PDZD2: variants seen among roughly 807,000 people sequenced by gnomAD.
PDZD2 encodes the protein PDZ domain containing 2.
A neutral mutation model predicts 220.7 loss-of-function variants in PDZD2; 90 were observed. The observed-to-expected ratio is 0.41, with a 90% CI of 0.34 to 0.49. PDZD2 has a LOEUF of 0.49. Ranked by LOEUF, PDZD2 falls within the 20% of genes least tolerant of loss-of-function variation. The pLI, the probability that PDZD2 is intolerant of heterozygous loss-of-function variation, is 0.28. For synonymous variants in PDZD2, 1,375 were observed against 1,450.5 expected (o/e 0.95, Z 1.18); for missense variants, 3,174 against 3,608.5 (o/e 0.88, Z 3.08).
chr5:31,913,660 C>T (rs754880387), intron 2 of PDZD2, among the ~76,000 whole-genome samples: 7 of 152,008 alleles, frequency 4.6e-5, no homozygotes, highest in East Asian at 1.9e-4. Context: ...GTGTGGTAAT[C>T]GCATGGATAG....
chr5:31,774,589 G>A (rs10037497), intron 1 of PDZD2, among the ~76,000 whole-genome samples: 8,043 of 151,690 alleles, frequency 0.053, 664 homozygotes, highest in African/African-American at 0.18. Flanking sequence ...GGTGGTGCAC[G>A]CCTGTAATCC....
At chr5:31,882,122 G>A (rs559501689) in intron 2 of PDZD2, among the ~76,000 whole-genome samples, 1 of 152,252 alleles carries the variant, frequency 6.6e-6, no homozygotes, top group East Asian at 1.9e-4. Context: ...CATCATAACT[G>A]ATAAACTCTA....
At chr5:31,659,017 G>A (rs1289452120) in intron 1 of PDZD2, among the ~76,000 whole-genome samples, 1 of 152,036 alleles carries the variant, frequency 6.6e-6, no homozygotes, top group Non-Finnish European at 1.5e-5. Context: ...GTGTTCACCC[G>A]TGGTCCTCTT....
chr5:31,658,134 T>C (rs1722540443), intron 1 of PDZD2, among the ~76,000 whole-genome samples: 1 of 152,200 alleles, frequency 6.6e-6, no homozygotes, highest in African/African-American at 2.4e-5. Context: ...TAATGGTCTC[T>C]AAGCTCATCA....
chr5:31,643,161 G>A (rs897482156), intron 1 of PDZD2, among the ~76,000 whole-genome samples: 3 of 152,160 alleles, frequency 2.0e-5, no homozygotes, highest in Non-Finnish European at 1.5e-5. Flanking sequence ...GGGTCCTTTC[G>A]AACAGTGTGT....
intron 1 of PDZD2, chr5:31,738,498 T>C (rs2150163465): frequency 6.6e-6 from 1 of 152,326 alleles, no homozygotes; most frequent in South Asian, 2.1e-4. Context: ...AAACAGCTAA[T>C]GGGCATTTTG....
chr5:32,039,902 G>A (rs563240645), intron 7 of PDZD2, among the ~76,000 whole-genome samples: 116 of 139,882 alleles, frequency 8.3e-4, no homozygotes, highest in Non-Finnish European at 1.5e-3. Flanking sequence ...GCCTCTGCCC[G>A]GCGGCCCCAT....
At position 31,767,157 on chromosome 5, in the gene PDZD2, G is replaced by A. The variant is rs183330663; in HGVS notation, c.-360-31732G>A. On this transcript the variant is annotated intron_variant, in intron 1 of 24. Coordinates refer to ENST00000438447, the MANE Select transcript of PDZD2 (RefSeq NM_178140.4). ...AGCGATTCTCCTGCCGTAGCCTCCC[G>A]AGTAGCTGGGATTACAGGTGCCCGC... Among the ~76,000 whole-genome samples, 663 of 150,818 alleles carry A rather than the reference G, an allele frequency of 4.4e-3. 3 individuals carry two copies. The highest frequency in any genetic ancestry group is 8.0e-3 in the Non-Finnish European group (540 of 67,864).
At chr5:31,689,351 A>ATT (rs1288275783) in intron 1 of PDZD2, among the ~76,000 whole-genome samples, 6 of 28,180 alleles carry the variant, frequency 2.1e-4, no homozygotes, top group Non-Finnish European at 3.2e-4. Context: ...ATATATATAT[A>ATT]TATTTTTTTT....
intron 2 of PDZD2, among the ~76,000 whole-genome samples, chr5:31,851,569 T>C (rs192739363): frequency 1.3e-5 from 2 of 152,350 alleles, no homozygotes; most frequent in African/African-American, 2.4e-5. Context: ...GAAGCTACTT[T>C]GGATTCTGTT....
At chr5:31,905,601 G>C (rs1217755488) in intron 2 of PDZD2, among the ~76,000 whole-genome samples, 1 of 152,250 alleles carries the variant, frequency 6.6e-6, no homozygotes, top group African/African-American at 2.4e-5. Flanking sequence ...CTTCATGCTA[G>C]CTCTGTGTAT....
intron 6 of PDZD2, among the ~76,000 whole-genome samples, chr5:32,029,002 G>A (rs1561390816): frequency 6.6e-6 from 1 of 152,090 alleles, no homozygotes; most frequent in Non-Finnish European, 1.5e-5. Flanking sequence ...CTCATTCTTA[G>A]TTAAGGAGAT....
intron 1 of PDZD2, among the ~76,000 whole-genome samples, chr5:31,768,139 G>A (rs1338951593): frequency 6.6e-6 from 1 of 152,122 alleles, no homozygotes; most frequent in Non-Finnish European, 1.5e-5. Context: ...GTGAGGTGGG[G>A]TAGGCAAAGT....
At chr5:32,014,706 C>CTTATTTTTTTTTTTT (rs1753605984) in intron 6 of PDZD2, among the ~76,000 whole-genome samples, 1 of 95,422 alleles carries the variant, frequency 1.0e-5, no homozygotes, top group African/African-American at 4.4e-5. Flanking sequence ...ATGACAATTT[C>CTTATTTTTTTTTTTT]TTTTTTTTTT....
At chr5:32,050,545 C>T (rs328620) in intron 8 of PDZD2, among the ~76,000 whole-genome samples, 1 of 152,076 alleles carries the variant, frequency 6.6e-6, no homozygotes. Context: ...GTATTATCTA[C>T]AACCAGGATC....
At chr5:31,960,746 G>A (rs1043244569) in intron 2 of PDZD2, among the ~76,000 whole-genome samples, 4 of 150,372 alleles carry the variant, frequency 2.7e-5, no homozygotes, top group African/African-American at 9.7e-5. Context: ...CCGTGCTTCT[G>A]TTGAAGCATT....
intron 10 of PDZD2, among the ~76,000 whole-genome samples, chr5:32,056,915 C>T (rs958995119): frequency 6.6e-6 from 1 of 152,050 alleles, no homozygotes; most frequent in Admixed American, 6.6e-5. Flanking sequence ...CATGGTGAAA[C>T]CCTGTCTCTA....
intron 14 of PDZD2, among the ~76,000 whole-genome samples, chr5:32,064,923 G>A (rs1389704580): frequency 3.9e-5 from 6 of 152,180 alleles, no homozygotes; most frequent in African/African-American, 7.2e-5. Context: ...AGCCAGGATC[G>A]TGCCACTGCA....
chr5:31,992,568 T>A (rs549763965), intron 3 of PDZD2, among the ~76,000 whole-genome samples: 1 of 152,200 alleles, frequency 6.6e-6, no homozygotes. Flanking sequence ...GTCACATCCT[T>A]TGTTAACCAT....
Sources: gnomAD v4.1 joint callset for allele counts (sites outside exome capture counted in the v4.1 genomes callset) on GRCh38, gnomAD v4.1.1 for gene constraint, MANE v1.5 for transcripts, NCBI Gene and HGNC (gene_info 2026-07-23, HGNC 2026-07-21) for gene names.